The following CCNH variants were observed in gnomAD, a reference collection of about 807,000 sequenced individuals.
CCNH encodes cyclin-H.
CCNH carries 31 observed loss-of-function variants against 41.9 expected under a neutral mutation model. The observed-to-expected ratio is 0.74, with a 90% CI of 0.56 to 1.00. The LOEUF (loss-of-function observed/expected upper bound fraction) is 1.00. Among genes scored for constraint, CCNH ranks in the 50% least tolerant of loss-of-function variants. CCNH has a pLI of 0.00. For missense variants in CCNH, 362 were observed against 388.4 expected, an observed-to-expected ratio of 0.93 and a Z score of 0.57; for synonymous variants, 138 against 136.1, an observed-to-expected ratio of 1.01 and a Z score of -0.10.
At chr5:87,376,805 CAT>C in exon 1 of CCNH, 1 of 1,421,500 alleles carries the variant, frequency 7.0e-7, no homozygotes, top group Non-Finnish European at 9.9e-7. Context: ...TGTGAAAGAA[CAT>C]ATTTCTTGTT....
chr5:87,319,391 G>A (rs1053317100), intron 9 of CCNH, among the ~76,000 whole-genome samples: 27 of 152,304 alleles, frequency 1.8e-4, no homozygotes, highest in African/African-American at 4.1e-4. Context: ...GCCCTGTAGC[G>A]GAGTCCTGCC....
At chr5:87,324,634 C>T (rs1757084072) in intron 9 of CCNH, among the ~76,000 whole-genome samples, 1 of 152,138 alleles carries the variant, frequency 6.6e-6, no homozygotes, top group Non-Finnish European at 1.5e-5. Context: ...GAGATAAATA[C>T]ATACACACAT....
upstream of CCNH, among the ~76,000 whole-genome samples, chr5:87,381,962 A>G (rs1284577679): frequency 2.6e-5 from 4 of 152,020 alleles, no homozygotes; most frequent in African/African-American, 9.7e-5. Context: ...CTTAATTGTT[A>G]TTTTTTTGAG....
intron 9 of CCNH, chr5:87,363,540 G>A: frequency 6.3e-7 from 1 of 1,592,104 alleles, no homozygotes; most frequent in East Asian, 2.2e-5. Flanking sequence ...TTTCGGAATT[G>A]TCTTAATAAT....
intron 9 of CCNH, among the ~76,000 whole-genome samples, chr5:87,339,787 C>T (rs1015797019): frequency 3.9e-5 from 6 of 151,996 alleles, no homozygotes; most frequent in South Asian, 2.1e-4. Flanking sequence ...AGTAATTCCA[C>T]GTCATTTATA....
chr5:87,373,739 ACT>A (rs761426722), downstream of CCNH, among the ~76,000 whole-genome samples: 36 of 152,006 alleles, frequency 2.4e-4, no homozygotes, highest in Non-Finnish European at 4.4e-4. Context: ...TAGCTGTGGA[ACT>A]CTTTTATAGA....
intron 7 of CCNH, among the ~76,000 whole-genome samples, chr5:87,398,339 C>A (rs1280816343): frequency 2.6e-5 from 4 of 152,156 alleles, no homozygotes; most frequent in Non-Finnish European, 5.9e-5. Context: ...TCATAGTTAT[C>A]CAGCAGCACA....
At chr5:87,396,867 T>C (rs762602787) in intron 7 of CCNH, among the ~76,000 whole-genome samples, 5 of 152,106 alleles carry the variant, frequency 3.3e-5, no homozygotes, top group South Asian at 2.1e-4. Flanking sequence ...TTCATAAATA[T>C]ATGGATATAC....
At chr5:87,369,631 TAA>T (rs968118754) in intron 9 of CCNH, among the ~76,000 whole-genome samples, 9 of 152,054 alleles carry the variant, frequency 5.9e-5, no homozygotes, top group Non-Finnish European at 8.8e-5. Flanking sequence ...AGTGCTGACA[TAA>T]AGTTTTCTAA....
At chr5:87,389,256 G>A (rs949340674), downstream of CCNH, 18 of 1,074,748 alleles carry the variant, frequency 1.7e-5, no homozygotes, top group East Asian at 8.8e-5. Flanking sequence ...GCTTGAACCC[G>A]GGAGGCGGAG....
At chr5:87,363,328 C>CA in intron 9 of CCNH, 1 of 1,575,542 alleles carries the variant, frequency 6.3e-7, no homozygotes, top group South Asian at 1.1e-5. Flanking sequence ...TAAGAGAAAA[C>CA]AATTTTTTTT....
At chr5:87,374,729 G>GTT (rs200643915), downstream of CCNH, 197 of 1,149,356 alleles carry the variant, frequency 1.7e-4, no homozygotes, top group East Asian at 4.0e-4. Context: ...CTAGCACACT[G>GTT]TTTTTTTTTT....
chr5:87,330,934 A>G, intron 9 of CCNH: 1 of 1,413,700 alleles, frequency 7.1e-7, no homozygotes, highest in East Asian at 2.6e-5. Flanking sequence ...TTATATTCTC[A>G]TAGGTTCCAT....
chr5:87,358,498 G>A (rs1050926981), intron 9 of CCNH, among the ~76,000 whole-genome samples: 2 of 151,866 alleles, frequency 1.3e-5, no homozygotes, highest in African/African-American at 4.8e-5. Context: ...AGATCATACT[G>A]ACTCTGTCTT....
upstream of CCNH, chr5:87,379,675 C>T (rs74956809): frequency 1.4e-3 from 2,196 of 1,590,172 alleles, 33 homozygotes; most frequent in African/African-American, 0.027. Context: ...TTGTTTTCCT[C>T]TATTCATTTG....
intron 9 of CCNH, among the ~76,000 whole-genome samples, chr5:87,335,971 G>A (rs1026468403): frequency 6.6e-6 from 1 of 152,128 alleles, no homozygotes; most frequent in Admixed American, 6.5e-5. Context: ...AGTTTTTGGT[G>A]TAATTTCATA....
At chr5:87,392,183 A>G (rs1186749208), downstream of CCNH, 3 of 442,530 alleles carry the variant, frequency 6.8e-6, no homozygotes, top group Admixed American at 2.5e-5. Context: ...TGAGACAGGA[A>G]CCCAAGGAGG....
chr5:87,332,404 A>G (rs1482227379), intron 9 of CCNH: 2 of 1,212,208 alleles, frequency 1.6e-6, no homozygotes, highest in Non-Finnish European at 2.4e-6. Flanking sequence ...AGTTACAAGG[A>G]AAAGAGTATG....
Position 87,366,705 on chromosome 5 carries a change from A to G in CCNH, c.*90+26065T>C, listed in dbSNP as rs147010543. Among the ~76,000 whole-genome samples the G allele has an allele frequency of 2.6e-5, 4 of 152,316 alleles. No individual in the cohort carries two copies. In the East Asian group the frequency reaches 7.7e-4, roughly 29 times the overall value. ...AGTATGAAAAAGTTATGTTCATGAG[A>G]ACTAAACTCAAGTCTCTCATTTAGA... On this transcript the variant is annotated intron_variant and NMD_transcript_variant, in intron 9 of 9. Transcript: ENST00000645953.
Sources: gnomAD v4.1 joint callset for allele counts (sites outside exome capture counted in the v4.1 genomes callset) on GRCh38, gnomAD v4.1.1 for gene constraint, MANE v1.5 for transcripts, NCBI Gene and HGNC (gene_info 2026-07-23, HGNC 2026-07-21) for gene names.